Variants in HSH2D observed in about 807,000 individuals in gnomAD.
HSH2D encodes hematopoietic SH2 domain containing.
HSH2D carries 16 observed loss-of-function variants against 21.5 expected under a neutral mutation model. The ratio of observed to expected loss-of-function variants is 0.74; its 90% CI spans 0.50 to 1.13. The LOEUF (loss-of-function observed/expected upper bound fraction) is 1.13, where lower values mean the gene tolerates loss of function less well. HSH2D is among the 50% of genes most tolerant of loss of function. HSH2D has a pLI of 0.00. For missense variants in HSH2D, 418 were observed against 441.4 expected, an observed-to-expected ratio of 0.95 and a Z score of 0.47; for synonymous variants, 172 against 184.7, an observed-to-expected ratio of 0.93 and a Z score of 0.56.
upstream of HSH2D, among the ~76,000 whole-genome samples, chr19:16,140,756 G>T (rs1283263339): frequency 1.3e-5 from 2 of 152,042 alleles, no homozygotes; most frequent in Non-Finnish European, 2.9e-5. Context: ...CGTGGTGGTG[G>T]TGCTCCTGTA....
At position 16,148,818 on chromosome 19, in the gene HSH2D, T is replaced by G; in HGVS notation, c.68T>G (p.Met23Arg). The G allele has an allele frequency of 6.2e-7, 1 of 1,611,412 alleles. No homozygotes were observed. The highest frequency in any genetic ancestry group is 8.5e-7 in the Non-Finnish European group (1 of 1,178,410). The change falls in exon 2 of 6, where the codon ATG (methionine) becomes AGG (arginine). Residue 23 changes from methionine (M) to arginine (R), a missense_variant. Met to Arg is a moderately conservative substitution (Grantham distance 91). Transcript: ENST00000613986. ...PRLDWFVHTQ[M>R]GQLAQDGVPE... ...CTGGACTGGTTTGTGCACACCCAGA[T>G]GGGCCAGCTGGCCCAAGACGGGGTC...
At chr19:16,151,481 G>A (rs1010236181) in intron 2 of HSH2D, 1 of 455,604 alleles carries the variant, frequency 2.2e-6, no homozygotes, top group South Asian at 1.6e-5. Context: ...TCCCCTTGAG[G>A]AAGCTGAAGG....
intron 1 of HSH2D, among the ~76,000 whole-genome samples, chr19:16,136,273 T>A (rs2090963473): frequency 6.6e-6 from 1 of 152,192 alleles, no homozygotes; most frequent in Non-Finnish European, 1.5e-5. Context: ...ACTTTGCAGT[T>A]TCTGTCCAAA....
chr19:16,137,409 CT>C (rs1451365089), intron 1 of HSH2D, among the ~76,000 whole-genome samples: 1 of 151,954 alleles, frequency 6.6e-6, no homozygotes, highest in Non-Finnish European at 1.5e-5. Flanking sequence ...GGGTGGATCA[CT>C]TGAGGTCAGG....
intron 2 of HSH2D, among the ~76,000 whole-genome samples, chr19:16,152,334 C>T (rs2091169128): frequency 6.7e-6 from 1 of 150,258 alleles, no homozygotes; most frequent in African/African-American, 2.5e-5. Flanking sequence ...AGGAGAATGG[C>T]GTGAATCCGG....
At chr19:16,140,806 G>C (rs2090994861), upstream of HSH2D, among the ~76,000 whole-genome samples, 1 of 151,982 alleles carries the variant, frequency 6.6e-6, no homozygotes, top group Non-Finnish European at 1.5e-5. Context: ...AGGATCACTT[G>C]AGCCCAGGAA....
At chr19:16,152,807 G>T (rs766113424) in intron 3 of HSH2D, 166 bp downstream of exon 3, 12 of 757,468 alleles carry the variant, frequency 1.6e-5, no homozygotes, top group Non-Finnish European at 2.5e-5. Flanking sequence ...GCTTTTGTCC[G>T]TAGTGGCATG....
chr19:16,147,573 A>G (rs922337675), intron 1 of HSH2D, among the ~76,000 whole-genome samples: 1 of 152,090 alleles, frequency 6.6e-6, no homozygotes, highest in Non-Finnish European at 1.5e-5. Flanking sequence ...CCAATGAATG[A>G]ATGTGTAAAA....
At chr19:16,143,914 G>A (rs565286946) in intron 1 of HSH2D, 140 bp downstream of exon 1, 8 of 267,144 alleles carry the variant, frequency 3.0e-5, no homozygotes, top group South Asian at 8.0e-5. Context: ...CGTGGAGGAG[G>A]GGGTATTTGT....
At position 16,157,500 on chromosome 19, in the gene HSH2D, A is replaced by AG; in HGVS notation, c.769dup (p.Asp257GlyfsTer45). ...CCGGAAAAGGCAGCCAAGATCACTC[A>AG]GGGGATCCCACCTCGGGGGACAGAG... is the stretch of plus-strand genomic sequence containing the variant. On this transcript the variant is annotated frameshift_variant, in exon 6 of 6. Coordinates refer to ENST00000613986, the MANE Select transcript of HSH2D (RefSeq NM_001382417.1). LOFTEE classifies it low-confidence loss of function (END_TRUNC). This position sits in a 1 kb window ranked among gnomAD's most constrained non-coding sequence, Gnocchi z 4.4. The AG allele has an allele frequency of 6.2e-7, 1 of 1,613,936 alleles. No individual in the cohort carries two copies. The highest frequency in any genetic ancestry group is 1.3e-5 in the African/African-American group (1 of 75,044).
chr19:16,148,986 G>A, intron 2 of HSH2D, 111 bp downstream of exon 2: 1 of 1,214,810 alleles, frequency 8.2e-7, no homozygotes, highest in Non-Finnish European at 1.1e-6. Context: ...GCTCAGTGTG[G>A]CAAGAGGCTA....
rs2145065788 is a variant in HSH2D, at chr19:16,157,291, G to A, written c.556G>A (p.Ala186Thr). Residue 186 changes from alanine (A) to threonine (T), a missense_variant, in exon 6 of 6, where the codon GCC (alanine) becomes ACC (threonine). Transcript: ENST00000613986. This position sits in a 1 kb window ranked among gnomAD's most constrained non-coding sequence, Gnocchi z 4.4. ...GATGAACAGAATAACCACCAAGGAA[G>A]CCACTTCCTCCTGCCCCCCAAAATC... ...AEMNRITTKE[A>T]TSSCPPKSPL... The A allele has an allele frequency of 6.2e-7, 1 of 1,611,268 alleles. No individual in the cohort carries two copies. Among genetic ancestry groups the A allele is most frequent in the Admixed American group, 1.7e-5 (1 of 59,134 alleles).
At chr19:16,141,955 G>A (rs565930489), upstream of HSH2D, 6 of 151,994 alleles carry the variant, frequency 3.9e-5, no homozygotes, top group East Asian at 1.2e-3. Context: ...GTGTGGTGGT[G>A]TGTGCCTGTA....
chr19:16,148,678 A>C, intron 1 of HSH2D, 46 bp from the exon 2 acceptor site: 2 of 1,564,092 alleles, frequency 1.3e-6, no homozygotes, highest in Middle Eastern at 1.7e-4. Context: ...CAAAGATAAG[A>C]GGTGCATCAA....
In HSH2D at chr19:16,146,710, G is replaced by A. The variant is rs186803332; in HGVS notation, c.-27-2014G>A. Among the ~76,000 whole-genome samples the A allele has an allele frequency of 2.7e-3, 408 of 152,020 alleles. 3 individuals are homozygous for A. Among genetic ancestry groups the A allele is most frequent in the African/African-American group, 9.5e-3 (395 of 41,482 alleles). On this transcript the variant is annotated intron_variant, in intron 1 of 5. Coordinates refer to ENST00000613986, the MANE Select transcript of HSH2D (RefSeq NM_001382417.1). Reference sequence around the variant, plus strand: ...CAAAAAAAAAGAAAGAAAGAAATCAGGGCAACCCTTTTTGACCACCACCGT... The same window carrying A: ...CAAAAAAAAAGAAAGAAAGAAATCAAGGCAACCCTTTTTGACCACCACCGT...
At chr19:16,135,891 G>C (rs1599403811) in intron 1 of HSH2D, among the ~76,000 whole-genome samples, 1 of 152,274 alleles carries the variant, frequency 6.6e-6, no homozygotes, top group Admixed American at 6.5e-5. Flanking sequence ...TGAACCCATT[G>C]AATTAATGAA....
chr19:16,143,606 T>C (rs546504623), upstream of HSH2D: 4 of 320,012 alleles, frequency 1.2e-5, no homozygotes, highest in East Asian at 1.1e-4. Context: ...ACAGGGTGAC[T>C]TGAGCTGTCC....
chr19:16,144,686 CTTTTTTTTTT>C (rs35070155), intron 1 of HSH2D, among the ~76,000 whole-genome samples: 6 of 85,914 alleles, frequency 7.0e-5, no homozygotes, highest in Non-Finnish European at 6.5e-5. Context: ...ATTCTAGGCT[CTTTTTTTTTT>C]TTTTTTTTTT....
At chr19:16,139,997 G>A (rs532781178), upstream of HSH2D, 1 of 152,390 alleles carries the variant, frequency 6.6e-6, no homozygotes, top group Admixed American at 6.5e-5. Context: ...AAGCAGGTCA[G>A]GGGAAGCGAG....
Sources: allele counts gnomAD v4.1 joint callset (sites outside exome capture counted in the v4.1 genomes callset), GRCh38; gene constraint gnomAD v4.1.1; non-coding constraint Gnocchi (gnomAD v3.1); transcripts MANE v1.5; gene names NCBI Gene and HGNC (gene_info 2026-07-23, HGNC 2026-07-21).